Variants in TBC1D22A observed in about 807,000 individuals in gnomAD.
TBC1D22A encodes the protein TBC1 domain family member 22A, also known as putative GTPase activator.
A neutral mutation model predicts 60.2 loss-of-function variants in TBC1D22A; 38 were observed. That is an observed-to-expected ratio of 0.63 (90% CI 0.49 to 0.83). TBC1D22A has a LOEUF of 0.83. TBC1D22A is among the 40% of genes least tolerant of loss of function. The pLI is 0.00. For synonymous variants in TBC1D22A, 302 were observed against 281.7 expected, an observed-to-expected ratio of 1.07 and a Z score of -0.72; for missense variants, 628 against 701.0, an observed-to-expected ratio of 0.90 and a Z score of 1.18.
intron 4 of TBC1D22A, among the ~76,000 whole-genome samples, chr22:46,826,142 A>G (rs1421518189): frequency 1.3e-5 from 2 of 152,184 alleles, no homozygotes; most frequent in African/African-American, 4.8e-5. Flanking sequence ...TGGCCTCCCA[A>G]AGTGCTGGGA....
chr22:46,950,777 G>A (rs1175351666), intron 8 of TBC1D22A, among the ~76,000 whole-genome samples: 1 of 152,170 alleles, frequency 6.6e-6, no homozygotes, highest in Non-Finnish European at 1.5e-5. Flanking sequence ...ACGAACCCTT[G>A]CGTCTCCGGG....
intron 5 of TBC1D22A, among the ~76,000 whole-genome samples, chr22:46,879,138 GTATT>G (rs2067721819): frequency 7.0e-6 from 1 of 142,418 alleles, no homozygotes; most frequent in African/African-American, 2.6e-5. Context: ...TTTTTTGTAA[GTATT>G]AGTAGCGCTG....
chr22:47,133,941 A>C (rs1170358317), intron 12 of TBC1D22A, among the ~76,000 whole-genome samples: 4 of 151,886 alleles, frequency 2.6e-5, no homozygotes. Context: ...TGACTGGGTG[A>C]AGGTTGGCAT....
intron 4 of TBC1D22A, among the ~76,000 whole-genome samples, chr22:46,864,543 T>C (rs1003730838): frequency 2.6e-5 from 4 of 152,234 alleles, no homozygotes; most frequent in African/African-American, 9.6e-5. Context: ...CATTCCGCTT[T>C]CCACAAACAG....
intron 8 of TBC1D22A, among the ~76,000 whole-genome samples, chr22:46,924,750 A>C (rs541756147): frequency 1.8e-4 from 28 of 151,742 alleles, no homozygotes; most frequent in South Asian, 6.3e-4. Flanking sequence ...TATCTCAAAA[A>C]AAAAACAAAA....
At chr22:46,782,765 G>A (rs1383191974) in intron 1 of TBC1D22A, among the ~76,000 whole-genome samples, 1 of 152,154 alleles carries the variant, frequency 6.6e-6, no homozygotes, top group Non-Finnish European at 1.5e-5. Flanking sequence ...TCAGCTTCAT[G>A]TTGTCAGGAT....
intron 12 of TBC1D22A, among the ~76,000 whole-genome samples, chr22:47,153,135 A>T (rs1601691772): frequency 6.6e-6 from 1 of 151,424 alleles, no homozygotes; most frequent in Non-Finnish European, 1.5e-5. Flanking sequence ...GGCTGCTGAA[A>T]CTCCAGCCAT....
intron 12 of TBC1D22A, among the ~76,000 whole-genome samples, chr22:47,144,452 T>C (rs1360834475): frequency 6.6e-6 from 1 of 152,230 alleles, no homozygotes; most frequent in East Asian, 1.9e-4. Flanking sequence ...TGGGGGGCCC[T>C]GAGGCCTTGG....
At chr22:46,937,680 G>A (rs2071739470) in intron 8 of TBC1D22A, among the ~76,000 whole-genome samples, 1 of 152,184 alleles carries the variant, frequency 6.6e-6, no homozygotes, top group Non-Finnish European at 1.5e-5. Context: ...CAGAGGAGAC[G>A]ATAGCTCCCT....
chr22:47,163,150 TGCCCCCCCGCCC>T (rs1034560054), intron 12 of TBC1D22A, among the ~76,000 whole-genome samples: 4 of 152,100 alleles, frequency 2.6e-5, no homozygotes, highest in African/African-American at 9.7e-5. Context: ...CAACAAGCAC[TGCCCCCCCGCCC>T]GGCCCCTGGC....
rs545542749 is a variant in TBC1D22A at position 47,146,699 on chromosome 22, G to A, written c.1426-26799G>A. Among the ~76,000 whole-genome samples the A allele has an allele frequency of 2.4e-4, 37 of 152,292 alleles. No homozygotes were observed. In the East Asian group the frequency reaches 5.8e-3, roughly 24 times the overall value. On this transcript the variant is annotated intron_variant, in intron 12 of 12. Transcript: ENST00000337137. The stretch of plus-strand genomic sequence containing the variant: ...CTTCCTGATATGTGGTCCATGACTC[G>A]GTGGCCCTTTCTTGATGGGGCGGTG...
At chr22:47,017,135 T>G (rs535738748) in intron 10 of TBC1D22A, among the ~76,000 whole-genome samples, 3 of 152,350 alleles carry the variant, frequency 2.0e-5, no homozygotes, top group Non-Finnish European at 4.4e-5. Context: ...TTCCTGTCAT[T>G]AATGGTGTTG....
At chr22:47,073,177 G>A (rs1209838387) in intron 11 of TBC1D22A, among the ~76,000 whole-genome samples, 1 of 152,188 alleles carries the variant, frequency 6.6e-6, no homozygotes. Context: ...TACAGACTTG[G>A]CGAAGAAATA....
chr22:46,905,927 G>A (rs2069432410), intron 7 of TBC1D22A, among the ~76,000 whole-genome samples: 2 of 152,180 alleles, frequency 1.3e-5, no homozygotes, highest in Admixed American at 6.5e-5. Flanking sequence ...GCTGATCTGT[G>A]GTAGCATTTT....
At chr22:47,055,156 C>T (rs996189494) in intron 11 of TBC1D22A, among the ~76,000 whole-genome samples, 4 of 152,252 alleles carry the variant, frequency 2.6e-5, no homozygotes, top group African/African-American at 9.6e-5. Flanking sequence ...CCAAAGCCCA[C>T]ACCTGCCAGG....
chr22:47,087,047 G>A (rs2064725249), intron 11 of TBC1D22A, among the ~76,000 whole-genome samples: 1 of 152,254 alleles, frequency 6.6e-6, no homozygotes, highest in Non-Finnish European at 1.5e-5. Context: ...TCTGCAGCTA[G>A]TGAGCTCTTG....
intron 7 of TBC1D22A, among the ~76,000 whole-genome samples, chr22:46,905,362 T>G (rs542115237): frequency 5.0e-4 from 76 of 152,294 alleles, no homozygotes; most frequent in Non-Finnish European, 9.1e-4. Context: ...AGTCATCCTG[T>G]GAGTTGGCTT....
chr22:47,081,721 A>G (rs953331189), intron 11 of TBC1D22A, among the ~76,000 whole-genome samples: 4 of 152,224 alleles, frequency 2.6e-5, no homozygotes, highest in African/African-American at 9.7e-5. Context: ...TAAAAATCCT[A>G]AAAATACTTA....
rs191215911 is a variant in TBC1D22A at position 46,866,259 on chromosome 22, C to A, written c.638-12394C>A. Reference sequence around the variant, plus strand: ...AGCTGGGACTACAGGCGTGTGCCACCATGCTCAGCTAATTTTTGTATTTTA... The same window carrying A: ...AGCTGGGACTACAGGCGTGTGCCACAATGCTCAGCTAATTTTTGTATTTTA... On this transcript the variant is annotated intron_variant, in intron 4 of 12. Transcript: ENST00000337137. 2.1e-3 allele frequency among the ~76,000 whole-genome samples: 315 copies of A among 152,284 alleles called. 2 individuals are homozygous for A. Among genetic ancestry groups the A allele is most frequent in the African/African-American group, 7.2e-3 (298 of 41,554 alleles).
Sources: allele counts gnomAD v4.1 joint callset (sites outside exome capture counted in the v4.1 genomes callset), GRCh38; gene constraint gnomAD v4.1.1; transcripts MANE v1.5; gene names NCBI Gene and HGNC (gene_info 2026-07-23, HGNC 2026-07-21).